The following EPS8L1 variants were observed in gnomAD, a reference collection of about 807,000 sequenced individuals.
EPS8L1 encodes the protein EPS8 signaling adaptor L1, also known as epidermal growth factor receptor kinase substrate 8-like protein 1.
EPS8L1 carries 101 observed loss-of-function variants against 91.7 expected under a neutral mutation model. The ratio of observed to expected loss-of-function variants is 1.10; its 90% CI spans 0.94 to 1.30. EPS8L1 has a LOEUF of 1.30. EPS8L1 is among the 50% of genes most tolerant of loss of function. The pLI is 0.00. For synonymous variants in EPS8L1, 506 were observed against 445.3 expected, an observed-to-expected ratio of 1.14 and a Z score of -1.72; for missense variants, 1,114 against 1,017.0, an observed-to-expected ratio of 1.10 and a Z score of -1.30.
chr19:55,085,767 C>G (rs1312666229), intron 14 of EPS8L1, 74 bp from the exon 15 acceptor site: 1 of 1,535,534 alleles, frequency 6.5e-7, no homozygotes, highest in Non-Finnish European at 8.8e-7. Context: ...AACCCCAGCT[C>G]ACACCAGCAC....
In EPS8L1 at chr19:55,079,930, A is replaced by G. The variant is rs1381558543; in HGVS notation, c.279+79A>G. On this transcript the variant is annotated intron_variant, in intron 5 of 19. Transcript: ENST00000201647. The stretch of plus-strand genomic sequence containing the variant: ...TCTGGGTGTGAATCTTGGCTCCTGC[A>G]CGTCCTTCCTCTGGGAACTCTGGCG... The G allele has an allele frequency of 2.7e-6, 4 of 1,493,354 alleles. No individual in the cohort carries two copies. In the Admixed American group the frequency reaches 6.6e-5, roughly 25 times the overall value. 92.5% of individuals were successfully genotyped at this position (1,493,354 alleles called of 1,614,324 possible). A position where few individuals can be genotyped will look rare whatever the true frequency, so the allele number is the denominator to read the frequency against.
chr19:55,079,156 C>A (rs1362349065), intron 4 of EPS8L1, 99 bp downstream of exon 4: 3 of 1,299,824 alleles, frequency 2.3e-6, no homozygotes, highest in Non-Finnish European at 3.3e-6. Context: ...AAGCAGGAAG[C>A]ATGTGGAAAG....
intron 17 of EPS8L1, 79 bp from the exon 18 acceptor site, chr19:55,086,635 G>GCCCCCCCCCCCC: frequency 2.3e-6 from 3 of 1,307,712 alleles, no homozygotes; most frequent in Non-Finnish European, 2.1e-6. Context: ...ACGCTGGAGC[G>GCCCCCCCCCCCC]CCCCCCCGCC....
At chr19:55,087,269 C>T (rs2076362814) in intron 18 of EPS8L1, 34 bp from the exon 19 acceptor site, 1 of 1,567,958 alleles carries the variant, frequency 6.4e-7, no homozygotes, top group Non-Finnish European at 8.6e-7. Context: ...CATCCGCCGA[C>T]CGGCCTGACC....
rs967164650 is a variant in EPS8L1 at position 55,081,552 on chromosome 19, C to T, written c.774+60C>T. On this transcript the variant is annotated intron_variant, in intron 8 of 19. Transcript: ENST00000201647. This position sits in a 1 kb window ranked among gnomAD's most constrained non-coding sequence, Gnocchi z 4.9. ...CAGGCGACTGGAGGCGGGGCTAGGG[C>T]GTGGAAGGGCGGGGCCGGCTGCGGG... 6.3e-6 allele frequency: 9 copies of T among 1,425,220 alleles called. No individual in the cohort carries two copies. The highest frequency in any genetic ancestry group is 1.5e-5 in the African/African-American group (1 of 66,490). 88.3% of individuals were successfully genotyped at this position (1,425,220 alleles called of 1,614,324 possible). A position where few individuals can be genotyped will look rare whatever the true frequency, so the allele number is the denominator to read the frequency against.
chr19:55,086,636 C>CCCCCCCCCCCCCCCCCCTG, intron 17 of EPS8L1, 78 bp from the exon 18 acceptor site: 1 of 956,958 alleles, frequency 1.0e-6, no homozygotes, highest in Non-Finnish European at 1.4e-6. Flanking sequence ...CGCTGGAGCG[C>CCCCCCCCCCCCCCCCCCTG]CCCCCCGCCC....
Position 55,085,915 on chromosome 19 carries a change from A to C in EPS8L1, c.1460A>C (p.Tyr487Ser), listed in dbSNP as rs745574933. Reference sequence around the variant, plus strand: ...GCAGGAAAATGGGTCCTGTGTAATTATGACTTCCAGGCCCGCAACAGCAGT... The same window carrying C: ...GCAGGAAAATGGGTCCTGTGTAATTCTGACTTCCAGGCCCGCAACAGCAGT... ...ETAGKWVLCN[Y>S]DFQARNSSEL... Residue 487 changes from tyrosine (Y) to serine (S), a missense_variant, in exon 15 of 20, where the codon TAT (tyrosine) becomes TCT (serine). Coordinates refer to ENST00000201647, the MANE Select transcript of EPS8L1 (RefSeq NM_133180.3). 1.9e-6 allele frequency: 3 copies of C among 1,613,740 alleles called. No individual in the cohort carries two copies. In the Admixed American group the frequency reaches 5.0e-5, roughly 27 times the overall value.
chr19:55,080,404 G>C (rs1373729140), intron 6 of EPS8L1, 126 bp downstream of exon 6: 1 of 1,577,194 alleles, frequency 6.3e-7, no homozygotes, highest in Non-Finnish European at 8.6e-7. Context: ...AGCAAGGAAG[G>C]GCAGGGGACC....
In EPS8L1 at chr19:55,083,355, C is replaced by A; in HGVS notation, c.1215-23C>A. The A allele has an allele frequency of 6.2e-7, 1 of 1,609,492 alleles. No individual in the cohort carries two copies. Among genetic ancestry groups the A allele is most frequent in the East Asian group, 2.2e-5 (1 of 44,764 alleles). ...GGGGCTGTATCAGGATCCCTGAGCT[C>A]TTGGCCCTGTCCCTGGCCGCAGGCT... On this transcript the variant is annotated intron_variant, in intron 12 of 19. Transcript: ENST00000201647. The surrounding 1 kb of genome is among the most constrained non-coding windows in gnomAD (Gnocchi z 4.7).
At position 55,083,404 on chromosome 19, in the gene EPS8L1, C is replaced by A. The variant is rs2076311712; in HGVS notation, c.1241C>A (p.Pro414His). The change falls in exon 13 of 20, where the codon CCC (proline) becomes CAC (histidine). Residue 414 changes from proline to histidine, a missense_variant. By Grantham distance (77) the Pro-to-His change is moderately conservative. Coordinates refer to ENST00000201647, the MANE Select transcript of EPS8L1 (RefSeq NM_133180.3). The surrounding 1 kb of genome is among the most constrained non-coding windows in gnomAD (Gnocchi z 4.7). The part of the protein sequence containing the change: ...PGLELSPEEG[P>H]PYRPEFFSGW... ...CTGGAGCTGTCCCCGGAGGAGGGAC[C>A]CCCATACAGACCCGAGTTCTTCAGC... 3 of 1,613,130 alleles carry A rather than the reference C, an allele frequency of 1.9e-6. No homozygotes were observed. Among genetic ancestry groups the A allele is most frequent in the Non-Finnish European group, 2.5e-6 (3 of 1,179,986 alleles).
In EPS8L1 at chr19:55,087,576, A is replaced by G; in HGVS notation, c.2134A>G (p.Lys712Glu). 1 of 1,614,076 alleles carries G rather than the reference A, an allele frequency of 6.2e-7. No individual in the cohort carries two copies. The highest frequency in any genetic ancestry group is 8.5e-7 in the Non-Finnish European group (1 of 1,180,004). Reference protein sequence around the residue: ...ELEAVMEKQKKKVEGEVEMEV... With the variant: ...ELEAVMEKQKEKVEGEVEMEV... Reference sequence around the variant, plus strand: ...GGAGGCAGTGATGGAGAAGCAAAAGAAGAAGGTGGAAGGCGAGGTGGAAAT... The same window carrying G: ...GGAGGCAGTGATGGAGAAGCAAAAGGAGAAGGTGGAAGGCGAGGTGGAAAT... Residue 712 changes from lysine (K) to glutamate (E), a missense_variant, in exon 20 of 20, where the codon AAG (lysine) becomes GAG (glutamate). Transcript: ENST00000201647.
chr19:55,086,584 G>A (rs1045857885), intron 17 of EPS8L1, 66 bp downstream of exon 17: 119 of 1,536,508 alleles, frequency 7.7e-5, no homozygotes, highest in Non-Finnish European at 9.3e-5. Flanking sequence ...AGAGAAACGG[G>A]GGCTCAGAAA....
rs765376133 is a variant in EPS8L1 at position 55,081,275 on chromosome 19, A to T, written c.557A>T (p.Glu186Val). Residue 186 changes from glutamate (E) to valine (V), a missense_variant, in exon 8 of 20, where the codon GAG becomes GTG. Transcript: ENST00000201647. The surrounding 1 kb of genome is among the most constrained non-coding windows in gnomAD (Gnocchi z 4.9). Reference protein sequence around the residue: ...ELQRDRSPAAETPPLQRRPSV... With the variant: ...ELQRDRSPAAVTPPLQRRPSV... ...CAGCGCGACCGCTCGCCCGCCGCTGAGACCCCGCCCCTGCAGCGCCGCCCG... is the reference window on the plus strand; with the variant it reads ...CAGCGCGACCGCTCGCCCGCCGCTGTGACCCCGCCCCTGCAGCGCCGCCCG... 6.5e-7 allele frequency: 1 copy of T among 1,536,604 alleles called. No individual in the cohort carries two copies. The highest frequency in any genetic ancestry group is 8.7e-7 in the Non-Finnish European group (1 of 1,151,094).
At position 55,083,935 on chromosome 19, in the gene EPS8L1, T is replaced by C; in HGVS notation, c.1385+291T>C. ...AGTGGGTAAAGTCTGAGAGGTTGGATCCCTGGATCCCCAAAAGGCTGGAAG... is the reference window on the plus strand; with the variant it reads ...AGTGGGTAAAGTCTGAGAGGTTGGACCCCTGGATCCCCAAAAGGCTGGAAG... On this transcript the variant is annotated intron_variant, in intron 14 of 19. Coordinates refer to ENST00000201647, the MANE Select transcript of EPS8L1 (RefSeq NM_133180.3). This position sits in a 1 kb window ranked among gnomAD's most constrained non-coding sequence, Gnocchi z 4.7. 1 of 601,898 alleles carries C rather than the reference T, an allele frequency of 1.7e-6. No homozygotes were observed. The highest frequency in any genetic ancestry group is 2.8e-5 in the East Asian group (1 of 36,020). The allele number at this position is 601,898 out of a possible 1,614,324, so 37.3% of individuals were successfully genotyped here.
intron 6 of EPS8L1, 177 bp downstream of exon 6, chr19:55,080,455 AC>A: frequency 6.2e-7 from 1 of 1,612,312 alleles, no homozygotes; most frequent in Non-Finnish European, 8.5e-7. Flanking sequence ...TTGAGATTGG[AC>A]CCAGGGTCAA....
In EPS8L1 at chr19:55,086,743, G is replaced by A. The variant is rs764270864; in HGVS notation, c.1807G>A (p.Glu603Lys). The A allele has an allele frequency of 3.1e-6, 5 of 1,605,972 alleles. No homozygotes were observed. The African/African-American group carries it at 5.4e-5, about 17-fold the overall frequency. The stretch of plus-strand genomic sequence containing the variant: ...ATTCTCCCAGATGCTCATCGTCAAC[G>A]AGGAACTGCAGGCGCGCCTGGCCCA... ...EKFSQMLIVNEELQARLAQGR... is the reference protein window; with the variant it reads ...EKFSQMLIVNKELQARLAQGR... Residue 603 changes from glutamate (E) to lysine (K), a missense_variant, in exon 18 of 20, where the codon GAG (glutamate) becomes AAG (lysine). Coordinates refer to ENST00000201647, the MANE Select transcript of EPS8L1 (RefSeq NM_133180.3).
In EPS8L1 at chr19:55,081,063, C is replaced by G; in HGVS notation, c.513-168C>G. 1 of 983,396 alleles carries G rather than the reference C, an allele frequency of 1.0e-6. No homozygotes were observed. Among genetic ancestry groups the G allele is most frequent in the Non-Finnish European group, 1.5e-6 (1 of 687,166 alleles). The allele number at this position is 983,396 out of a possible 1,614,324, so 60.9% of individuals were successfully genotyped here. The stretch of plus-strand genomic sequence containing the variant: ...TTCCCTGTCCAGGCCCTCAGTTTCA[C>G]TCTAGAGAGGTGCTATCCCTCCGTA... On this transcript the variant is annotated intron_variant, in intron 7 of 19. Coordinates refer to ENST00000201647, the MANE Select transcript of EPS8L1 (RefSeq NM_133180.3). This position sits in a 1 kb window ranked among gnomAD's most constrained non-coding sequence, Gnocchi z 4.9.
chr19:55,081,299 C>G lies in EPS8L1; in HGVS notation c.581C>G (p.Pro194Arg), dbSNP rs752871182. The G allele has an allele frequency of 1.9e-6, 3 of 1,547,216 alleles. No individual in the cohort carries two copies. The highest frequency in any genetic ancestry group is 2.4e-5 in the East Asian group (1 of 42,128). The change falls in exon 8 of 20, where the codon CCG becomes CGG. Residue 194 changes from proline (P) to arginine (R), a missense_variant. By Grantham distance (103) the Pro-to-Arg change is moderately radical. Coordinates refer to ENST00000201647, the MANE Select transcript of EPS8L1 (RefSeq NM_133180.3). The surrounding 1 kb of genome is among the most constrained non-coding windows in gnomAD (Gnocchi z 4.9). ...AAETPPLQRR[P>R]SVRAVISTVE... ...GAGACCCCGCCCCTGCAGCGCCGCC[C>G]GTCAGTCCGCGCAGTGATCAGCACC...
chr19:55,076,881 C>A (rs879697421), intron 2 of EPS8L1, among the ~76,000 whole-genome samples: 1 of 152,166 alleles, frequency 6.6e-6, no homozygotes, highest in Admixed American at 6.5e-5. Context: ...TAAATATTAA[C>A]CCTTTGCTAG....
Sources: gnomAD v4.1 joint callset for allele counts (sites outside exome capture counted in the v4.1 genomes callset) on GRCh38, gnomAD v4.1.1 for gene constraint, Gnocchi (gnomAD v3.1) non-coding constraint, MANE v1.5 for transcripts, NCBI Gene and HGNC (gene_info 2026-07-23, HGNC 2026-07-21) for gene names.